The following CNTNAP2 variants were observed in gnomAD, a reference collection of about 807,000 sequenced individuals.
The protein encoded by CNTNAP2 is contactin-associated protein-like 2.
Under a neutral mutation model 155.2 loss-of-function variants are expected in CNTNAP2, and 98 were observed. The ratio of observed to expected loss-of-function variants is 0.63; its 90% confidence interval spans 0.54 to 0.75. CNTNAP2 has a LOEUF of 0.75. Ranked by LOEUF, CNTNAP2 falls within the 30% of genes least tolerant of loss-of-function variation. CNTNAP2 has a pLI of 0.00. For synonymous variants in CNTNAP2, 651 were observed against 631.2 expected (o/e 1.03, Z -0.47); for missense variants, 1,727 against 1,688.1 (o/e 1.02, Z -0.40).
intron 1 of CNTNAP2, among the ~76,000 whole-genome samples, chr7:146,325,851 C>T (rs189446578): frequency 1.1e-4 from 17 of 152,160 alleles, no homozygotes; most frequent in Non-Finnish European, 1.9e-4. Context: ...ATTAACTTCA[C>T]GGTTAAATAT....
At chr7:147,775,369 A>G (rs1350470695) in intron 13 of CNTNAP2, among the ~76,000 whole-genome samples, 1 of 87,980 alleles carries the variant, frequency 1.1e-5, no homozygotes, top group South Asian at 3.0e-4. Context: ...TTATAAATAT[A>G]TATATATTTA....
At chr7:146,129,043 A>C (rs779211002) in intron 1 of CNTNAP2, among the ~76,000 whole-genome samples, 5 of 152,196 alleles carry the variant, frequency 3.3e-5, no homozygotes, top group Non-Finnish European at 7.4e-5. Context: ...TTTAAATTTT[A>C]ATTTATTATC....
chr7:147,260,111 G>T (rs745904533), intron 8 of CNTNAP2, among the ~76,000 whole-genome samples: 2 of 152,174 alleles, frequency 1.3e-5, no homozygotes, highest in Non-Finnish European at 2.9e-5. Context: ...GATCAAGGAC[G>T]AAGGCAAACT....
At chr7:146,246,895 G>C (rs1799669134) in intron 1 of CNTNAP2, among the ~76,000 whole-genome samples, 3 of 152,342 alleles carry the variant, frequency 2.0e-5, no homozygotes, top group South Asian at 4.1e-4. Context: ...CTGCGTTTCA[G>C]ATGTTTGGAA....
At chr7:146,857,800 TTG>T (rs1337894870) in intron 3 of CNTNAP2, among the ~76,000 whole-genome samples, 1 of 152,212 alleles carries the variant, frequency 6.6e-6, no homozygotes. Context: ...AGCTGCTGTT[TTG>T]TGTTTGGTTC....
chr7:147,388,624 AG>A (rs762712698), intron 9 of CNTNAP2, among the ~76,000 whole-genome samples: 31 of 151,664 alleles, frequency 2.0e-4, no homozygotes, highest in Non-Finnish European at 3.2e-4. Flanking sequence ...CCTGTAACCC[AG>A]GCTGGAGTGC....
chr7:148,164,396 G>A lies in CNTNAP2; in HGVS notation c.2774-7846G>A, dbSNP rs536164968. ...GCTTTTGCCCCCTGACCTAGCCAGG[G>A]CAGCTGTGGCTGCCATGCCAGAGAG... On this transcript the variant is annotated intron_variant, in intron 17 of 23. Coordinates refer to ENST00000361727, the MANE Select transcript of CNTNAP2 (RefSeq NM_014141.6). 2.7e-4 allele frequency among the ~76,000 whole-genome samples: 41 copies of A among 152,094 alleles called. 2 individuals are homozygous for A. In the South Asian group the frequency reaches 5.2e-3, roughly 19 times the overall value.
intron 15 of CNTNAP2, among the ~76,000 whole-genome samples, chr7:148,099,831 G>A (rs79550464): frequency 0.02 from 2,906 of 145,870 alleles, 100 homozygotes; most frequent in African/African-American, 0.07. Flanking sequence ...GTCAGGTCCT[G>A]AGCTCCTCCT....
At chr7:146,190,445 T>C (rs1438164839) in intron 1 of CNTNAP2, among the ~76,000 whole-genome samples, 2 of 152,184 alleles carry the variant, frequency 1.3e-5, no homozygotes, top group Non-Finnish European at 2.9e-5. Context: ...ATTGTAGCAA[T>C]AGCATGGCTC....
At chr7:146,502,178 T>C (rs1563109545) in intron 1 of CNTNAP2, among the ~76,000 whole-genome samples, 1 of 148,340 alleles carries the variant, frequency 6.7e-6, no homozygotes, top group Non-Finnish European at 1.5e-5. Flanking sequence ...CAGGATTTCG[T>C]TATTTTTATG....
chr7:146,693,388 T>C (rs1429333453), intron 1 of CNTNAP2, among the ~76,000 whole-genome samples: 1 of 152,164 alleles, frequency 6.6e-6, no homozygotes, highest in Non-Finnish European at 1.5e-5. Context: ...CAAAATTTTA[T>C]AACTCCATTA....
chr7:146,993,554 G>A (rs185653461), intron 3 of CNTNAP2, among the ~76,000 whole-genome samples: 12 of 152,128 alleles, frequency 7.9e-5, no homozygotes, highest in Admixed American at 1.3e-4. Context: ...TTTTAGAGAG[G>A]CAGTTAACAA....
chr7:147,894,437 G>A (rs1441900885), intron 13 of CNTNAP2, among the ~76,000 whole-genome samples: 1 of 152,092 alleles, frequency 6.6e-6, no homozygotes, highest in African/African-American at 2.4e-5. Context: ...GCAGAGCCTG[G>A]GAAGGACTGC....
intron 8 of CNTNAP2, among the ~76,000 whole-genome samples, chr7:147,247,694 A>C (rs1476286570): frequency 2.0e-5 from 3 of 152,194 alleles, no homozygotes; most frequent in Admixed American, 6.5e-5. Context: ...TTTTTTGTTT[A>C]TCATTTGCAA....
At chr7:147,411,555 AC>A (rs1797103113) in intron 10 of CNTNAP2, among the ~76,000 whole-genome samples, 1 of 152,184 alleles carries the variant, frequency 6.6e-6, no homozygotes, top group Non-Finnish European at 1.5e-5. Flanking sequence ...CCAGACTCAA[AC>A]ATTCTGCTCC....
At chr7:147,611,515 G>A (rs1010873164) in intron 12 of CNTNAP2, among the ~76,000 whole-genome samples, 13 of 152,176 alleles carry the variant, frequency 8.5e-5, no homozygotes, top group African/African-American at 3.1e-4. Flanking sequence ...CCTAGAAAAT[G>A]GCTAATGCTT....
intron 16 of CNTNAP2, among the ~76,000 whole-genome samples, chr7:148,143,008 TGTATTTCTCTTTTA>T (rs1351555165): frequency 6.6e-6 from 1 of 152,260 alleles, no homozygotes; most frequent in Non-Finnish European, 1.5e-5. Context: ...TGCCACCTTA[TGTATTTCTCTTTTA>T]GTATTTCTCT....
At chr7:146,662,999 C>T (rs990370080) in intron 1 of CNTNAP2, among the ~76,000 whole-genome samples, 1 of 151,782 alleles carries the variant, frequency 6.6e-6, no homozygotes, top group Non-Finnish European at 1.5e-5. Context: ...AAATCAGAGC[C>T]GGGTGCAGTG....
intron 22 of CNTNAP2, among the ~76,000 whole-genome samples, chr7:148,397,576 T>C (rs1799496510): frequency 6.6e-6 from 1 of 152,240 alleles, no homozygotes; most frequent in South Asian, 2.1e-4. Flanking sequence ...TCCCTGCTAC[T>C]AAATACACTT....
Sources: gnomAD v4.1 joint callset for allele counts (sites outside exome capture counted in the v4.1 genomes callset) on GRCh38, gnomAD v4.1.1 for gene constraint, MANE v1.5 for transcripts, NCBI Gene and HGNC (gene_info 2026-07-23, HGNC 2026-07-21) for gene names.